Variants in EXOC4 observed in about 807,000 individuals in gnomAD.
EXOC4 encodes SEC8-like 1.
In EXOC4, 71 loss-of-function variants were observed where a neutral mutation model predicts 107.2. The observed-to-expected ratio is 0.66, with a 90% confidence interval of 0.55 to 0.81. EXOC4 has a LOEUF of 0.81. EXOC4 is among the 30% of genes least tolerant of loss of function. The pLI, the probability that EXOC4 is intolerant of heterozygous loss-of-function variation, is 0.00. For synonymous variants in EXOC4, 456 were observed against 441.2 expected (o/e 1.03, Z -0.42); for missense variants, 1,108 against 1,189.6 (o/e 0.93, Z 1.01).
chr7:133,348,385 T>G (rs559170199), intron 5 of EXOC4, among the ~76,000 whole-genome samples: 75 of 152,366 alleles, frequency 4.9e-4, no homozygotes, highest in African/African-American at 1.8e-3. Flanking sequence ...TGTTGTTCTT[T>G]AATGGGCTAT....
rs945797943 is a variant in EXOC4 at position 133,473,305 on chromosome 7, G to A, written c.1183-2023G>A. On this transcript the variant is annotated intron_variant, in intron 7 of 17. Coordinates refer to ENST00000253861, the MANE Select transcript of EXOC4 (RefSeq NM_021807.4). Reference sequence around the variant, plus strand: ...CATTATATTATTTCATCCACATACCGAATAATACTCTAGTGGCTTCATAAA... The same window carrying A: ...CATTATATTATTTCATCCACATACCAAATAATACTCTAGTGGCTTCATAAA... Among the ~76,000 whole-genome samples the A allele has an allele frequency of 1.5e-4, 23 of 152,128 alleles. No homozygotes were observed. In the South Asian group the frequency reaches 2.5e-3, roughly 16 times the overall value.
chr7:133,370,245 G>T (rs1196523736), intron 6 of EXOC4, among the ~76,000 whole-genome samples: 1 of 149,424 alleles, frequency 6.7e-6, no homozygotes, highest in African/African-American at 2.5e-5. Flanking sequence ...CATAGCCTCA[G>T]GTCCTTACGA....
intron 5 of EXOC4, among the ~76,000 whole-genome samples, chr7:133,335,248 C>G (rs750270494): frequency 6.6e-6 from 1 of 152,116 alleles, no homozygotes; most frequent in African/African-American, 2.4e-5. Flanking sequence ...TCAACCATTT[C>G]TAAGTAGACA....
intron 10 of EXOC4, among the ~76,000 whole-genome samples, chr7:133,683,195 G>A (rs1030330346): frequency 2.6e-5 from 4 of 152,156 alleles, no homozygotes; most frequent in Non-Finnish European, 2.9e-5. Context: ...GACACATTTT[G>A]TTAGTGTTAT....
chr7:133,789,911 A>G (rs1320126370), intron 10 of EXOC4, among the ~76,000 whole-genome samples: 1 of 152,226 alleles, frequency 6.6e-6, no homozygotes, highest in East Asian at 1.9e-4. Context: ...CATATTGATC[A>G]TAGGTTTTAA....
chr7:133,878,030 T>C (rs1465860323), intron 11 of EXOC4, among the ~76,000 whole-genome samples: 2 of 152,232 alleles, frequency 1.3e-5, no homozygotes, highest in Non-Finnish European at 2.9e-5. Context: ...ATATTTTGTC[T>C]GGTTTTCTAA....
Position 133,275,073 on chromosome 7 carries a change from G to T in EXOC4, c.178G>T (p.Glu60Ter). 1.2e-6 allele frequency: 2 copies of T among 1,613,880 alleles called. No individual in the cohort carries two copies. The highest frequency in any genetic ancestry group is 8.5e-7 in the Non-Finnish European group (1 of 1,179,806). ...CGAGAAATGTGACCGTGACCTGGAT[G>T]AATTGATTGTACAGCACTACACAGA... ...AYEKCDRDLD[E>*]LIVQHYTELT... Residue 60 changes from glutamate (E) to a stop codon, truncating the protein, a stop_gained, in exon 2 of 18, where the codon GAA (glutamate) becomes TAA (stop). Coordinates refer to ENST00000253861, the MANE Select transcript of EXOC4 (RefSeq NM_021807.4). LOFTEE classifies it high-confidence loss of function.
At chr7:133,432,219 A>G (rs1280462788) in intron 7 of EXOC4, among the ~76,000 whole-genome samples, 1 of 150,978 alleles carries the variant, frequency 6.6e-6, no homozygotes, top group East Asian at 1.9e-4. Context: ...GATAGTGAGG[A>G]AAAAAAAACA....
At chr7:133,854,984 T>G (rs1044819671) in intron 11 of EXOC4, among the ~76,000 whole-genome samples, 6 of 145,646 alleles carry the variant, frequency 4.1e-5, no homozygotes, top group African/African-American at 1.6e-4. Flanking sequence ...GCCCTCTAGC[T>G]GATTATTGGA....
chr7:133,379,664 C>G (rs1162281387), intron 7 of EXOC4, among the ~76,000 whole-genome samples: 1 of 151,986 alleles, frequency 6.6e-6, no homozygotes, highest in East Asian at 1.9e-4. Flanking sequence ...TGACCCCCCC[C>G]CATCTTTGGC....
intron 17 of EXOC4, among the ~76,000 whole-genome samples, chr7:134,064,058 G>A (rs1171223217): frequency 6.6e-6 from 1 of 152,058 alleles, no homozygotes. Flanking sequence ...AAAGGTATGC[G>A]GCCTCCCTGG....
At chr7:134,057,875 A>G (rs1001372341) in intron 17 of EXOC4, among the ~76,000 whole-genome samples, 3 of 152,206 alleles carry the variant, frequency 2.0e-5, no homozygotes, top group Admixed American at 1.3e-4. Flanking sequence ...AGATCCAGAT[A>G]GCTGGTGGTA....
At chr7:133,868,027 C>T (rs1039950255) in intron 11 of EXOC4, among the ~76,000 whole-genome samples, 8 of 152,150 alleles carry the variant, frequency 5.3e-5, no homozygotes, top group African/African-American at 1.7e-4. Context: ...GCATTTTCTT[C>T]TGTAAATAAA....
rs144095065 is a variant in EXOC4, at chr7:133,311,104, G to A, written c.656+5043G>A. Among the ~76,000 whole-genome samples, 48 of 152,246 alleles carry A rather than the reference G, an allele frequency of 3.2e-4. 3 individuals are homozygous for A. The highest frequency in any genetic ancestry group is 1.2e-3 in the African/African-American group (48 of 41,538). On this transcript the variant is annotated intron_variant, in intron 4 of 17. Coordinates refer to ENST00000253861, the MANE Select transcript of EXOC4 (RefSeq NM_021807.4). ...TTGGAGGAAATGAAACAAATAAATG[G>A]TGAGACTGTCCTTGTTCTTAGCTCA...
At chr7:133,604,381 A>G (rs1393689276) in intron 9 of EXOC4, among the ~76,000 whole-genome samples, 1 of 152,208 alleles carries the variant, frequency 6.6e-6, no homozygotes, top group Non-Finnish European at 1.5e-5. Context: ...ATACTTTTAT[A>G]TGACTGGTGG....
At chr7:133,555,099 T>C (rs1800666643) in intron 9 of EXOC4, among the ~76,000 whole-genome samples, 1 of 152,176 alleles carries the variant, frequency 6.6e-6, no homozygotes. Context: ...TGAACAAATA[T>C]TGAGTCCCCC....
chr7:133,878,073 C>G (rs1326036483), intron 11 of EXOC4, among the ~76,000 whole-genome samples: 1 of 152,182 alleles, frequency 6.6e-6, no homozygotes, highest in African/African-American at 2.4e-5. Flanking sequence ...CTATTTTATA[C>G]TGAAATACTT....
At chr7:133,882,025 T>A (rs1798977380) in intron 11 of EXOC4, among the ~76,000 whole-genome samples, 1 of 151,922 alleles carries the variant, frequency 6.6e-6, no homozygotes, top group Non-Finnish European at 1.5e-5. Context: ...AAAAAAAAAA[T>A]AACCACTATT....
At chr7:133,734,418 T>G (rs1407367920) in intron 10 of EXOC4, among the ~76,000 whole-genome samples, 2 of 139,926 alleles carry the variant, frequency 1.4e-5, no homozygotes, top group Non-Finnish European at 3.1e-5. Flanking sequence ...TTCACTTATC[T>G]CATGATAATT....
Sources: allele counts gnomAD v4.1 joint callset (sites outside exome capture counted in the v4.1 genomes callset), GRCh38; gene constraint gnomAD v4.1.1; transcripts MANE v1.5; gene names NCBI Gene and HGNC (gene_info 2026-07-23, HGNC 2026-07-21).